Variants in PKHD1L1 observed in about 807,000 individuals in gnomAD.
PKHD1L1 encodes the protein PKHD1 like 1, also known as fibrocystin-L.
Under a neutral mutation model 462.9 loss-of-function variants are expected in PKHD1L1, and 434 were observed. The observed-to-expected ratio is 0.94, with a 90% CI of 0.87 to 1.02. The LOEUF (loss-of-function observed/expected upper bound fraction) is 1.02. PKHD1L1 is among the 50% of genes least tolerant of loss of function. The pLI is 0.00. For missense variants in PKHD1L1, 5,202 were observed against 5,096.1 expected (o/e 1.02, Z -0.63); for synonymous variants, 1,781 against 1,750.0 (o/e 1.02, Z -0.44).
At chr8:109,436,191 C>T (rs1310267437) in intron 29 of PKHD1L1, 147 bp from the exon 30 acceptor site, 9 of 785,402 alleles carry the variant, frequency 1.1e-5, no homozygotes, top group African/African-American at 3.6e-5. Context: ...GCATTCATCT[C>T]AAGTCTGGTC....
chr8:109,378,124 C>T (rs1360825910), intron 2 of PKHD1L1, among the ~76,000 whole-genome samples: 1 of 152,198 alleles, frequency 6.6e-6, no homozygotes. Context: ...TTCTCTGCTC[C>T]TGTTTGTAAT....
At chr8:109,428,389 C>T (rs1241427015) in intron 25 of PKHD1L1, among the ~76,000 whole-genome samples, 4 of 152,046 alleles carry the variant, frequency 2.6e-5, no homozygotes, top group South Asian at 2.1e-4. Context: ...GAAAGAAATT[C>T]GTGACTTAAA....
chr8:109,436,026 G>A (rs1004188277), intron 29 of PKHD1L1, among the ~76,000 whole-genome samples: 1 of 152,142 alleles, frequency 6.6e-6, no homozygotes, highest in Non-Finnish European at 1.5e-5. Context: ...ATAATTATTC[G>A]TAGGATGAAG....
chr8:109,444,806 C>T lies in PKHD1L1; in HGVS notation c.4937C>T (p.Thr1646Met), dbSNP rs750284786. 3.1e-6 allele frequency: 5 copies of T among 1,613,868 alleles called. No homozygotes were observed. Among genetic ancestry groups the T allele is most frequent in the South Asian group, 2.2e-5 (2 of 91,084 alleles). ...TVYNLGTAIN[T>M]LSNEFDRRFV... ...TACAACCTGGGCACTGCTATCAATA[C>T]GTTGTCCAATGAATTTGATAGGCGA... The change falls in exon 38 of 78, where the codon ACG becomes ATG. Residue 1646 changes from threonine (T) to methionine (M), a missense_variant. This residue lies in a region of PKHD1L1 where 4,497 missense variants were observed against 4,336.8 expected (regional missense o/e 1.04). Transcript: ENST00000378402.
chr8:109,394,012 A>C (rs1053781297), intron 9 of PKHD1L1, among the ~76,000 whole-genome samples: 4 of 151,980 alleles, frequency 2.6e-5, no homozygotes, highest in African/African-American at 9.7e-5. Flanking sequence ...TCTCTACTAA[A>C]AATACAAAAA....
chr8:109,379,150 A>T (rs939354869), intron 2 of PKHD1L1, among the ~76,000 whole-genome samples: 3 of 152,138 alleles, frequency 2.0e-5, no homozygotes, highest in Non-Finnish European at 4.4e-5. Flanking sequence ...ACCAACACTG[A>T]GCTCTCAATA....
chr8:109,450,139 T>C (rs907777374), intron 40 of PKHD1L1, among the ~76,000 whole-genome samples: 1 of 152,232 alleles, frequency 6.6e-6, no homozygotes, highest in African/African-American at 2.4e-5. Flanking sequence ...GAGTAACTTC[T>C]CTCTGCTTCA....
intron 50 of PKHD1L1, among the ~76,000 whole-genome samples, chr8:109,473,244 G>A (rs1252895485): frequency 6.6e-6 from 1 of 152,192 alleles, no homozygotes; most frequent in Non-Finnish European, 1.5e-5. Flanking sequence ...GGGTGCGGTG[G>A]CTCATGCCTG....
chr8:109,412,016 C>T (rs1026566063), intron 19 of PKHD1L1, among the ~76,000 whole-genome samples: 1 of 151,834 alleles, frequency 6.6e-6, no homozygotes, highest in Non-Finnish European at 1.5e-5. Context: ...AATAAATACC[C>T]GTAAAGAGCT....
At chr8:109,527,725 T>A (rs1443462792) in intron 77 of PKHD1L1, among the ~76,000 whole-genome samples, 1 of 152,150 alleles carries the variant, frequency 6.6e-6, no homozygotes, top group African/African-American at 2.4e-5. Flanking sequence ...TCTTCTTCTC[T>A]TGGCTCCACT....
intron 2 of PKHD1L1, among the ~76,000 whole-genome samples, chr8:109,365,392 T>C (rs952635998): frequency 2.0e-5 from 3 of 152,204 alleles, no homozygotes; most frequent in African/African-American, 4.8e-5. Context: ...TATTTTGTTA[T>C]ATAATGTAAT....
At chr8:109,493,440 C>T (rs183993902) in intron 62 of PKHD1L1, among the ~76,000 whole-genome samples, 1 of 151,374 alleles carries the variant, frequency 6.6e-6, no homozygotes, top group Admixed American at 6.6e-5. Context: ...TAAATGAAGT[C>T]CAGGCTGTAG....
intron 16 of PKHD1L1, among the ~76,000 whole-genome samples, chr8:109,405,788 C>T (rs896781624): frequency 6.6e-6 from 1 of 152,052 alleles, no homozygotes; most frequent in African/African-American, 2.4e-5. Flanking sequence ...TGCAGCAAAC[C>T]ACCATGACAT....
intron 27 of PKHD1L1, among the ~76,000 whole-genome samples, chr8:109,431,452 A>G (rs1247206843): frequency 2.6e-5 from 4 of 152,178 alleles, no homozygotes; most frequent in East Asian, 1.9e-4. Context: ...AGTCCCCTAC[A>G]TAACTCTCGA....
At chr8:109,513,908 C>T (rs1820132101) in intron 71 of PKHD1L1, among the ~76,000 whole-genome samples, 2 of 152,092 alleles carry the variant, frequency 1.3e-5, no homozygotes, top group African/African-American at 4.8e-5. Flanking sequence ...TCCACCTTTG[C>T]CCTTCTATAG....
intron 50 of PKHD1L1, among the ~76,000 whole-genome samples, chr8:109,467,782 ATCTT>A (rs1817527229): frequency 6.6e-6 from 1 of 152,316 alleles, no homozygotes; most frequent in African/African-American, 2.4e-5. Context: ...GCTAAACAAA[ATCTT>A]TATATCATCA....
chr8:109,456,223 C>A, intron 45 of PKHD1L1, 39 bp from the exon 46 acceptor site: 1 of 1,546,890 alleles, frequency 6.5e-7, no homozygotes, highest in Admixed American at 2.1e-5. Context: ...ACAAATCAAA[C>A]ACATGTAAGG....
At chr8:109,450,074 G>A (rs1365031486) in intron 40 of PKHD1L1, among the ~76,000 whole-genome samples, 1 of 152,126 alleles carries the variant, frequency 6.6e-6, no homozygotes, top group East Asian at 1.9e-4. Context: ...TTAAGAGCCT[G>A]GGCTCTGAGG....
At chr8:109,440,938 T>A in intron 33 of PKHD1L1, 86 bp downstream of exon 33, 1 of 1,432,032 alleles carries the variant, frequency 7.0e-7, no homozygotes, top group East Asian at 2.3e-5. Flanking sequence ...ATATGAATAT[T>A]CTAAATCACA....
Sources: gnomAD v4.1 joint callset for allele counts (sites outside exome capture counted in the v4.1 genomes callset) on GRCh38, gnomAD v4.1.1 for gene constraint, gnomAD v4.1.1 regional missense constraint, MANE v1.5 for transcripts, NCBI Gene and HGNC (gene_info 2026-07-23, HGNC 2026-07-21) for gene names.